Variants in CEP192 observed in about 807,000 individuals in gnomAD.
CEP192 encodes the protein centrosomal protein of 192 kDa.
Under a neutral mutation model 271.8 loss-of-function variants are expected in CEP192, and 151 were observed. The observed-to-expected ratio is 0.56, with a 90% CI of 0.49 to 0.64. The LOEUF is 0.64. Among genes scored for constraint, CEP192 ranks in the 30% least tolerant of loss-of-function variants. CEP192 has a pLI of 0.00. For missense variants in CEP192, 2,910 were observed against 3,020.5 expected (o/e 0.96, Z 0.86); for synonymous variants, 995 against 1,076.5 (o/e 0.92, Z 1.48).
At chr18:13,031,413 A>G (rs1255087773) in intron 11 of CEP192, among the ~76,000 whole-genome samples, 4 of 151,716 alleles carry the variant, frequency 2.6e-5, no homozygotes, top group Admixed American at 6.6e-5. Flanking sequence ...ACGCCCGGCT[A>G]ATTTTTTGTA....
chr18:13,078,473 A>T (rs776343405), intron 30 of CEP192, among the ~76,000 whole-genome samples: 6 of 151,952 alleles, frequency 3.9e-5, no homozygotes, highest in Non-Finnish European at 8.8e-5. Flanking sequence ...GGGTCAAATG[A>T]TATTTCTAGT....
intron 42 of CEP192, among the ~76,000 whole-genome samples, chr18:13,115,746 A>G (rs2040399445): frequency 6.6e-6 from 1 of 151,122 alleles, no homozygotes; most frequent in South Asian, 2.1e-4. Context: ...TTTGAGGACA[A>G]AAATCACAAG....
At position 13,015,351 on chromosome 18, in the gene CEP192, A is replaced by G; in HGVS notation, c.543A>G (p.Lys181=). Residue 181 remains lysine (K), a synonymous_variant, in exon 6 of 45, where the codon AAA becomes AAG. Coordinates refer to ENST00000506447, the MANE Select transcript of CEP192 (RefSeq NM_032142.4). ...EPKIVVLDAG[K]HFEDKTLKSD... is the part of the protein sequence containing the mutation. ...AGATTGTTGTGCTTGATGCTGGAAA[A>G]CATTTTGAAGACAAGACTCTAAAGA... The G allele has an allele frequency of 6.4e-7, 1 of 1,550,448 alleles. No homozygotes were observed. The highest frequency in any genetic ancestry group is 8.7e-7 in the Non-Finnish European group (1 of 1,146,684).
chr18:13,068,276 G>A, intron 23 of CEP192, 39 bp downstream of exon 23: 1 of 1,607,450 alleles, frequency 6.2e-7, no homozygotes, highest in Non-Finnish European at 8.5e-7. Context: ...AGGAAATTAA[G>A]CTTCTAAACC....
intron 8 of CEP192, 94 bp downstream of exon 8, chr18:13,018,709 A>C (rs892139803): frequency 1.1e-6 from 1 of 892,478 alleles, no homozygotes; most frequent in South Asian, 2.3e-5. Flanking sequence ...GATTTAGCAT[A>C]TATTAACTCT....
Position 13,100,249 on chromosome 18 carries a change from T to C in CEP192, c.6664-56T>C, listed in dbSNP as rs540968433. 4.3e-5 allele frequency: 52 copies of C among 1,202,160 alleles called. No individual in the cohort carries two copies. In the African/African-American group the frequency reaches 7.7e-4, roughly 18 times the overall value. 74.5% of individuals were successfully genotyped at this position (1,202,160 alleles called of 1,614,324 possible). On this transcript the variant is annotated intron_variant, in intron 37 of 44. Coordinates refer to ENST00000506447, the MANE Select transcript of CEP192 (RefSeq NM_032142.4). ...TACCATGGTTTAAAAATGGAATTGT[T>C]TCGTTTAAAGTGATAGATACGTTTG...
Position 13,022,635 on chromosome 18 carries a change from C to T in CEP192, c.1050+3429C>T, listed in dbSNP as rs375204605. Reference sequence around the variant, plus strand: ...ATTTCAAACGATCCACCCGCCTCTGCCTCCCAAAGTGCTGGGATTACAGGC... The same window carrying T: ...ATTTCAAACGATCCACCCGCCTCTGTCTCCCAAAGTGCTGGGATTACAGGC... On this transcript the variant is annotated intron_variant, in intron 9 of 44. Coordinates refer to ENST00000506447, the MANE Select transcript of CEP192 (RefSeq NM_032142.4). Among the ~76,000 whole-genome samples the T allele has an allele frequency of 9.2e-5, 14 of 152,216 alleles. No individual in the cohort carries two copies. In the East Asian group the frequency reaches 1.2e-3, roughly 13 times the overall value.
chr18:13,122,988 G>A (rs1265777600), intron 44 of CEP192, among the ~76,000 whole-genome samples: 1 of 152,082 alleles, frequency 6.6e-6, no homozygotes, highest in African/African-American at 2.4e-5. Context: ...ATTTTATTCA[G>A]TGTATCTGTA....
At chr18:13,009,014 GTTTT>G (rs10586819) in intron 4 of CEP192, among the ~76,000 whole-genome samples, 3 of 120,422 alleles carry the variant, frequency 2.5e-5, no homozygotes, top group Admixed American at 8.2e-5. Context: ...TGGCCTTTTT[GTTTT>G]TTTTTTTTTT....
At chr18:13,116,311 A>G in intron 42 of CEP192, 66 bp from the exon 43 acceptor site, 3 of 1,452,024 alleles carry the variant, frequency 2.1e-6, no homozygotes, top group Non-Finnish European at 2.8e-6. Context: ...TAATTTTAAT[A>G]TATAAAAACA....
Position 13,099,588 on chromosome 18 carries a change from T to A in CEP192, c.6663+7T>A. On this transcript the variant is annotated splice_region_variant and intron_variant, in intron 37 of 44. Transcript: ENST00000506447. ...CTGTGACGATGGACAGAAGGTACTT[T>A]TAAAAGTGGTTTGGTTTTTTTTTTG... 6.8e-7 allele frequency: 1 copy of A among 1,472,330 alleles called. No homozygotes were observed. Among genetic ancestry groups the A allele is most frequent in the Non-Finnish European group, 9.2e-7 (1 of 1,083,848 alleles). The allele number at this position is 1,472,330 out of a possible 1,614,324, so 91.2% of individuals were successfully genotyped here.
intron 44 of CEP192, among the ~76,000 whole-genome samples, chr18:13,123,499 G>C (rs2040769281): frequency 6.6e-6 from 1 of 152,180 alleles, no homozygotes; most frequent in Non-Finnish European, 1.5e-5. Context: ...CGACACTGCT[G>C]GGATTTTCAG....
Position 13,092,489 on chromosome 18 carries a change from C to A in CEP192, c.6216C>A (p.Phe2072Leu). ...GAGATTGCATTTCTAGCAGAGAATT[C>A]CTTCAGCCTTCTTCCAAAGCTAGCT... ...EFRDCISSREFLQPSSKASLE... is the reference protein window; with the variant it reads ...EFRDCISSRELLQPSSKASLE... The change falls in exon 34 of 45, where the codon TTC (phenylalanine) becomes TTA (leucine). Residue 2072 changes from phenylalanine (F) to leucine (L), a missense_variant. Transcript: ENST00000506447. 1 of 1,608,636 alleles carries A rather than the reference C, an allele frequency of 6.2e-7. No homozygotes were observed. Among genetic ancestry groups the A allele is most frequent in the Non-Finnish European group, 8.5e-7 (1 of 1,177,684 alleles).
At position 13,096,242 on chromosome 18, in the gene CEP192, A is replaced by G; in HGVS notation, c.6492A>G (p.Arg2164=). Residue 2164 remains arginine, a synonymous_variant, in exon 36 of 45, where the codon AGA becomes AGG. Coordinates refer to ENST00000506447, the MANE Select transcript of CEP192 (RefSeq NM_032142.4). Reference sequence around the variant, plus strand: ...TGAATAACTCTGTGAGGTTACTGAGATTTGAGCTGTGCTGGCCAGCGCATT... The same window carrying G: ...TGAATAACTCTGTGAGGTTACTGAGGTTTGAGCTGTGCTGGCCAGCGCATT... ...QIVNNSVRLL[R]FELCWPAHCL... is the part of the protein sequence containing the mutation. The G allele has an allele frequency of 6.2e-7, 1 of 1,614,182 alleles. No individual in the cohort carries two copies. Among genetic ancestry groups the G allele is most frequent in the Non-Finnish European group, 8.5e-7 (1 of 1,180,000 alleles).
chr18:13,114,190 A>G lies in CEP192; in HGVS notation c.7228A>G (p.Ile2410Val), dbSNP rs779420451. Residue 2410 changes from isoleucine to valine, a missense_variant, in exon 42 of 45, where the codon ATA becomes GTA. Coordinates refer to ENST00000506447, the MANE Select transcript of CEP192 (RefSeq NM_032142.4). ...ACLSTDSLIK[I>V]DHLVKPRRQA... ...CCTTTCCACGGATTCCCTCATTAAA[A>G]TAGATCATTTAGTTAAGCCCCGAAG... The G allele has an allele frequency of 3.1e-6, 5 of 1,614,016 alleles. No individual in the cohort carries two copies. Among genetic ancestry groups the G allele is most frequent in the African/African-American group, 2.7e-5 (2 of 74,938 alleles).
Position 13,096,251 on chromosome 18 carries a change from G to A in CEP192, c.6501G>A (p.Leu2167=), listed in dbSNP as rs1447059439. 6.2e-7 allele frequency: 1 copy of A among 1,614,188 alleles called. No individual in the cohort carries two copies. Among genetic ancestry groups the A allele is most frequent in the Non-Finnish European group, 8.5e-7 (1 of 1,180,000 alleles). The change falls in exon 36 of 45, where the codon CTG becomes CTA. Residue 2167 remains leucine, a synonymous_variant. Coordinates refer to ENST00000506447, the MANE Select transcript of CEP192 (RefSeq NM_032142.4). ...CTGTGAGGTTACTGAGATTTGAGCT[G>A]TGCTGGCCAGCGCATTGCCTCACAG... ...NNSVRLLRFE[L]CWPAHCLTVT... is the part of the protein sequence containing the mutation.
At chr18:13,043,236 G>A (rs1457399646) in intron 15 of CEP192, among the ~76,000 whole-genome samples, 2 of 152,192 alleles carry the variant, frequency 1.3e-5, no homozygotes, top group Non-Finnish European at 2.9e-5. Flanking sequence ...TGGACAGTTC[G>A]TTTTATTTGA....
At chr18:13,115,602 A>C (rs1055005392) in intron 42 of CEP192, among the ~76,000 whole-genome samples, 2 of 152,104 alleles carry the variant, frequency 1.3e-5, no homozygotes, top group Non-Finnish European at 2.9e-5. Context: ...CCAGGAGTAA[A>C]ATAGTGTCAA....
intron 6 of CEP192, 58 bp from the exon 7 acceptor site, chr18:13,017,130 A>C: frequency 7.3e-7 from 1 of 1,366,324 alleles, no homozygotes. Context: ...TTAATTACAA[A>C]TTATTGCTTA....
Sources: gnomAD v4.1 joint callset for allele counts (sites outside exome capture counted in the v4.1 genomes callset) on GRCh38, gnomAD v4.1.1 for gene constraint, MANE v1.5 for transcripts, NCBI Gene and HGNC (gene_info 2026-07-23, HGNC 2026-07-21) for gene names.